Variants in MAF observed in about 807,000 individuals in gnomAD.
The protein encoded by MAF is transcription factor Maf.
Under a neutral mutation model 22.0 loss-of-function variants are expected in MAF, and 10 were observed. The ratio of observed to expected loss-of-function variants is 0.45; its 90% CI spans 0.28 to 0.77. The LOEUF is 0.77. Ranked by LOEUF, MAF falls within the 30% of genes least tolerant of loss-of-function variation. The pLI is 0.12. For synonymous variants in MAF, 337 were observed against 255.8 expected (o/e 1.32, Z -3.03); for missense variants, 544 against 548.4 (o/e 0.99, Z 0.08).
At chr16:79,374,776 T>C in the MAF span, among the ~76,000 whole-genome samples, 1 of 152,242 alleles carries the variant, frequency 6.6e-6, no homozygotes, top group East Asian at 1.9e-4. Flanking sequence ...CTCTCTTTCT[T>C]CATCTTTTCT....
At chr16:79,213,423 C>CTT in the MAF span, among the ~76,000 whole-genome samples, 1 of 152,336 alleles carries the variant, frequency 6.6e-6, no homozygotes, top group South Asian at 2.1e-4. Flanking sequence ...GATAATGTCA[C>CTT]TTTTCAGACA....
chr16:79,368,845 T>C, the MAF span, among the ~76,000 whole-genome samples: 2 of 152,208 alleles, frequency 1.3e-5, no homozygotes, highest in Admixed American at 6.5e-5. Context: ...CCTTGACCTC[T>C]AGTTCCAATT....
At chr16:79,276,196 T>A in the MAF span, among the ~76,000 whole-genome samples, 26 of 152,036 alleles carry the variant, frequency 1.7e-4, 1 homozygote, top group Middle Eastern at 6.8e-3. Flanking sequence ...GGCCACAGAC[T>A]CCACCCTGGA....
chr16:79,370,707 A>G, the MAF span, among the ~76,000 whole-genome samples: 1 of 152,192 alleles, frequency 6.6e-6, no homozygotes, highest in East Asian at 1.9e-4. Flanking sequence ...TCCAAAGCAT[A>G]TATCAGATCC....
At chr16:79,384,223 C>T in the MAF span, among the ~76,000 whole-genome samples, 11 of 152,026 alleles carry the variant, frequency 7.2e-5, no homozygotes, top group Non-Finnish European at 1.5e-4. Flanking sequence ...TCAAGTGGAT[C>T]ACCTGAGGTC....
the MAF span, among the ~76,000 whole-genome samples, chr16:79,555,328 G>C: frequency 1.3e-5 from 2 of 152,112 alleles, no homozygotes; most frequent in African/African-American, 4.8e-5. Flanking sequence ...CAATACTCTA[G>C]ACTTTACAGT....
chr16:79,455,597 T>C, the MAF span, among the ~76,000 whole-genome samples: 6 of 152,232 alleles, frequency 3.9e-5, no homozygotes, highest in Non-Finnish European at 7.3e-5. Context: ...TTTTCTCCCA[T>C]CTTAATGGGG....
the MAF span, among the ~76,000 whole-genome samples, chr16:79,208,260 T>G: frequency 6.6e-6 from 1 of 152,178 alleles, no homozygotes. Flanking sequence ...TCCCAGAAAT[T>G]CTCAGTCCTG....
At chr16:79,236,745 C>A in the MAF span, among the ~76,000 whole-genome samples, 1 of 151,884 alleles carries the variant, frequency 6.6e-6, no homozygotes, top group Admixed American at 6.6e-5. Flanking sequence ...CCTCAGCATT[C>A]CCCATTGAAG....
chr16:79,438,586 A>G, the MAF span, among the ~76,000 whole-genome samples: 1 of 152,134 alleles, frequency 6.6e-6, no homozygotes, highest in African/African-American at 2.4e-5. Flanking sequence ...CCTCGAGGAC[A>G]GGATTGTTTC....
chr16:79,414,391 G>C, the MAF span, among the ~76,000 whole-genome samples: 2 of 152,188 alleles, frequency 1.3e-5, no homozygotes, highest in African/African-American at 2.4e-5. Context: ...AGGGACAAGA[G>C]AGAAGGGAAG....
At chr16:79,347,281 G>A in the MAF span, among the ~76,000 whole-genome samples, 1 of 152,164 alleles carries the variant, frequency 6.6e-6, no homozygotes, top group East Asian at 1.9e-4. Context: ...GCAGACCCAG[G>A]CCTCCCTCTA....
At chr16:79,212,232 C>T in the MAF span, 3 of 1,370,404 alleles carry the variant, frequency 2.2e-6, no homozygotes, top group South Asian at 1.5e-5. Flanking sequence ...TTCACTGCTC[C>T]TTGCTGCATT....
the MAF span, among the ~76,000 whole-genome samples, chr16:79,514,000 A>G: frequency 6.6e-6 from 1 of 152,196 alleles, no homozygotes; most frequent in African/African-American, 2.4e-5. Flanking sequence ...CCTTCCCCTC[A>G]CCACAAAAGA....
the MAF span, among the ~76,000 whole-genome samples, chr16:79,571,530 A>ATTTTTTTTTTTTT: frequency 1.4e-4 from 15 of 103,874 alleles, no homozygotes; most frequent in African/African-American, 4.5e-4. Flanking sequence ...TCTCAGCGGA[A>ATTTTTTTTTTTTT]TTTTTTTTTT....
At chr16:79,272,715 C>CT in the MAF span, among the ~76,000 whole-genome samples, 1 of 152,206 alleles carries the variant, frequency 6.6e-6, no homozygotes, top group Non-Finnish European at 1.5e-5. Context: ...TTCATTCATT[C>CT]TTTCCTCCCA....
At chr16:79,556,852 G>A in the MAF span, among the ~76,000 whole-genome samples, 189 of 152,166 alleles carry the variant, frequency 1.2e-3, no homozygotes, top group Non-Finnish European at 2.5e-3. Context: ...GTCATTGTAA[G>A]GACACAACAT....
the MAF span, among the ~76,000 whole-genome samples, chr16:79,267,616 C>G: frequency 2.6e-5 from 4 of 152,134 alleles, no homozygotes; most frequent in African/African-American, 9.7e-5. Flanking sequence ...CTGGGATGCA[C>G]CGGGTAGTAT....
chr16:79,371,384 G>C, the MAF span, among the ~76,000 whole-genome samples: 1 of 152,170 alleles, frequency 6.6e-6, no homozygotes, highest in African/African-American at 2.4e-5. Context: ...AAGAGCAGGG[G>C]ACACAGACGC....
Sources: gnomAD v4.1 joint callset for allele counts (sites outside exome capture counted in the v4.1 genomes callset) on GRCh38, gnomAD v4.1.1 for gene constraint, MANE v1.5 for transcripts, NCBI Gene and HGNC (gene_info 2026-07-23, HGNC 2026-07-21) for gene names.